Variants in SEC14L5 observed in about 807,000 individuals in gnomAD.
SEC14L5 encodes the protein SEC14-like protein 5.
Under a neutral mutation model 84.6 loss-of-function variants are expected in SEC14L5, and 96 were observed. That is an observed-to-expected ratio of 1.13 (90% CI 0.96 to 1.34). SEC14L5 has a LOEUF of 1.34. Among genes scored for constraint, SEC14L5 ranks in the 40% most tolerant of loss-of-function variants. The pLI, the probability that SEC14L5 is intolerant of heterozygous loss-of-function variation, is 0.00. For missense variants in SEC14L5, 1,224 were observed against 942.5 expected (o/e 1.30, Z -3.91); for synonymous variants, 546 against 383.4 (o/e 1.42, Z -4.95).
chr16:4,972,521 A>G (rs1955292404), intron 2 of SEC14L5, among the ~76,000 whole-genome samples: 1 of 152,100 alleles, frequency 6.6e-6, no homozygotes, highest in South Asian at 2.1e-4. Flanking sequence ...ATTAACCACT[A>G]TTCTATTTGC....
rs531472875 is a variant in SEC14L5, at chr16:5,008,642, C to T, written c.1794C>T (p.Ser598=). ...EAPLVCREGE[S]IQGSHVTRWP... is the part of the protein sequence containing the mutation. ...CCCTTGTCTGCCGGGAGGGGGAGAG[C>T]ATCCAGGTTTGCATTTTCTGGACCA... Residue 598 remains serine, a synonymous_variant, in exon 14 of 16, where the codon AGC becomes AGT. Coordinates refer to ENST00000251170, the MANE Select transcript of SEC14L5 (RefSeq NM_014692.2). 2 of 1,607,438 alleles carry T rather than the reference C, an allele frequency of 1.2e-6. No homozygotes were observed. Among genetic ancestry groups the T allele is most frequent in the African/African-American group, 2.7e-5 (2 of 74,494 alleles).
chr16:5,002,041 A>T (rs574244813), intron 10 of SEC14L5, among the ~76,000 whole-genome samples: 59 of 152,294 alleles, frequency 3.9e-4, no homozygotes, highest in Non-Finnish European at 6.5e-4. Context: ...AAGGGTTGGG[A>T]TTACAGGCGT....
chr16:4,982,014 G>GAT (rs1052544470), intron 2 of SEC14L5, among the ~76,000 whole-genome samples: 1 of 152,148 alleles, frequency 6.6e-6, no homozygotes, highest in Non-Finnish European at 1.5e-5. Flanking sequence ...CAGACCCCAG[G>GAT]ATCCCCATGG....
chr16:4,977,985 A>T (rs1955368133), intron 2 of SEC14L5, among the ~76,000 whole-genome samples: 1 of 149,184 alleles, frequency 6.7e-6, no homozygotes, highest in Non-Finnish European at 1.5e-5. Flanking sequence ...CATTTTTAGT[A>T]GAGACAGGGT....
intron 11 of SEC14L5, 48 bp from the exon 12 acceptor site, chr16:5,005,863 CAAA>C (rs55930593): frequency 5.0e-3 from 6,133 of 1,222,322 alleles, no homozygotes; most frequent in East Asian, 0.012. Context: ...GACTCCGTCT[CAAA>C]AAAAAAAAAA....
intron 14 of SEC14L5, chr16:5,010,875 C>T: frequency 5.7e-6 from 3 of 523,172 alleles, no homozygotes; most frequent in Non-Finnish European, 1.0e-5. Context: ...AGCTCCTCCC[C>T]AGATTAAGAG....
intron 5 of SEC14L5, 110 bp from the exon 6 acceptor site, chr16:4,991,728 C>A: frequency 3.2e-6 from 2 of 620,198 alleles, no homozygotes; most frequent in Non-Finnish European, 5.4e-6. Context: ...TCAATAGCCA[C>A]GTGTCGGGGC....
chr16:4,996,850 C>G lies in SEC14L5; in HGVS notation c.781-5C>G, dbSNP rs12935399. On this transcript the variant is annotated splice_region_variant and splice_polypyrimidine_tract_variant and intron_variant, in intron 7 of 15. Coordinates refer to ENST00000251170, the MANE Select transcript of SEC14L5 (RefSeq NM_014692.2). The stretch of plus-strand genomic sequence containing the variant: ...CTGTGGGCTTTTTACTTCTTTGTCT[C>G]TCAGATTCCCAAAGATGAGCACATC... 7.6e-4 allele frequency: 1,229 copies of G among 1,606,592 alleles called. 6 individuals carry two copies. The African/African-American group carries it at 0.014, about 18-fold the overall frequency.
intron 10 of SEC14L5, 87 bp from the exon 11 acceptor site, chr16:5,003,315 G>C (rs987750239): frequency 1.4e-5 from 14 of 1,025,028 alleles, no homozygotes; most frequent in Non-Finnish European, 2.1e-5. Flanking sequence ...ATCTCTCGGA[G>C]CCTCCCTGTT....
intron 2 of SEC14L5, among the ~76,000 whole-genome samples, chr16:4,967,714 A>C (rs958690759): frequency 6.6e-6 from 1 of 150,784 alleles, no homozygotes; most frequent in Non-Finnish European, 1.5e-5. Context: ...CTGGGATTAC[A>C]GGTGCCCGCC....
chr16:4,970,846 G>A (rs1000601811), intron 2 of SEC14L5, among the ~76,000 whole-genome samples: 3 of 152,056 alleles, frequency 2.0e-5, no homozygotes, highest in African/African-American at 4.8e-5. Flanking sequence ...GCGGTGGCTC[G>A]TGCCTGTAAT....
chr16:5,002,164 T>G (rs1167781375), intron 10 of SEC14L5, among the ~76,000 whole-genome samples: 1 of 152,228 alleles, frequency 6.6e-6, no homozygotes, highest in African/African-American at 2.4e-5. Context: ...GCAGGTGCCC[T>G]TCTAAGCACC....
intron 2 of SEC14L5, 108 bp downstream of exon 2, chr16:4,959,494 T>A: frequency 1.1e-6 from 1 of 933,778 alleles, no homozygotes; most frequent in Non-Finnish European, 1.7e-6. Flanking sequence ...CAGAAGGAAT[T>A]AGTGAGTTAC....
intron 10 of SEC14L5, among the ~76,000 whole-genome samples, chr16:5,002,784 C>T (rs1955691284): frequency 6.6e-6 from 1 of 152,292 alleles, no homozygotes; most frequent in Admixed American, 6.5e-5. Context: ...ACCAAGATCA[C>T]ACAGCAAGTG....
At position 4,991,884 on chromosome 16, in the gene SEC14L5, G is replaced by A. The variant is rs1955556831; in HGVS notation, c.521G>A (p.Gly174Asp). The A allele has an allele frequency of 6.2e-7, 1 of 1,610,378 alleles. No individual in the cohort carries two copies. The highest frequency in any genetic ancestry group is 8.5e-7 in the Non-Finnish European group (1 of 1,178,980). Reference sequence around the variant, plus strand: ...TACCTGAATGAGCTCATCTCCCAGGGTACCTCGCACATTCCGCGCTGGACG... The same window carrying A: ...TACCTGAATGAGCTCATCTCCCAGGATACCTCGCACATTCCGCGCTGGACG... ...EHYLNELISQ[G>D]TSHIPRWTPA... The change falls in exon 6 of 16, where the codon GGT becomes GAT. Residue 174 changes from glycine (G) to aspartate (D), a missense_variant. Coordinates refer to ENST00000251170, the MANE Select transcript of SEC14L5 (RefSeq NM_014692.2).
chr16:4,993,202 G>T (rs1955570816), intron 6 of SEC14L5, among the ~76,000 whole-genome samples: 1 of 151,836 alleles, frequency 6.6e-6, no homozygotes, highest in Non-Finnish European at 1.5e-5. Flanking sequence ...AGGCCACCAT[G>T]TCTAGATAAT....
Position 4,967,561 on chromosome 16 carries a change from CGTTTT to C in SEC14L5, c.63+8176_63+8180del, listed in dbSNP as rs1408576244. On this transcript the variant is annotated intron_variant, in intron 2 of 15. Coordinates refer to ENST00000251170, the MANE Select transcript of SEC14L5 (RefSeq NM_014692.2). ...TTCTGGCTCTGACTTTTCTTTCTTT[CGTTTT>C]TTTTTTTTTTTTTTTTTTTTTTTTT... Among the ~76,000 whole-genome samples, 534 of 86,262 alleles carry C rather than the reference CGTTTT, an allele frequency of 6.2e-3. 22 individuals are homozygous for C. Among genetic ancestry groups the C allele is most frequent in the Non-Finnish European group, 7.7e-3 (344 of 44,490 alleles). 56.6% of individuals were successfully genotyped at this position (86,262 alleles called of 152,430 possible).
At position 4,996,344 on chromosome 16, in the gene SEC14L5, C is replaced by T. The variant is rs1955608026; in HGVS notation, c.668-4C>T. 3 of 1,533,738 alleles carry T rather than the reference C, an allele frequency of 2.0e-6. No individual in the cohort carries two copies. Among genetic ancestry groups the T allele is most frequent in the African/African-American group, 1.4e-5 (1 of 72,722 alleles). On this transcript the variant is annotated splice_polypyrimidine_tract_variant and splice_region_variant and intron_variant, in intron 6 of 15. Transcript: ENST00000251170. The stretch of plus-strand genomic sequence containing the variant: ...TGTCCTGAAGCTCCCCCTTCTCCTC[C>T]AAGGGGACAAGCTGGATGCGGACTA...
intron 4 of SEC14L5, among the ~76,000 whole-genome samples, chr16:4,990,174 T>G (rs899058444): frequency 3.9e-5 from 6 of 152,054 alleles, no homozygotes; most frequent in Non-Finnish European, 8.8e-5. Flanking sequence ...TTATTATTTT[T>G]TTTTTGGAGA....
Sources: allele counts gnomAD v4.1 joint callset (sites outside exome capture counted in the v4.1 genomes callset), GRCh38; gene constraint gnomAD v4.1.1; transcripts MANE v1.5; gene names NCBI Gene and HGNC (gene_info 2026-07-23, HGNC 2026-07-21).